ANKRD13C: variants seen among roughly 807,000 people sequenced by gnomAD.
ANKRD13C encodes ankyrin repeat domain-containing protein 13C.
ANKRD13C carries 16 observed loss-of-function variants against 65.5 expected under a neutral mutation model. That is an observed-to-expected ratio of 0.24 (90% CI 0.17 to 0.37). The LOEUF is 0.37. Ranked by LOEUF, ANKRD13C falls within the 10% of genes least tolerant of loss-of-function variation. ANKRD13C has a pLI of 1.00. For missense variants in ANKRD13C, 503 were observed against 655.9 expected, an observed-to-expected ratio of 0.77 and a Z score of 2.55; for synonymous variants, 235 against 238.7, an observed-to-expected ratio of 0.98 and a Z score of 0.14.
intron 1 of ANKRD13C, 131 bp downstream of exon 1, chr1:70,353,848 A>G: frequency 7.8e-7 from 1 of 1,278,966 alleles, no homozygotes. Context: ...GTCGATCATG[A>G]TTTACCGAAC....
At chr1:70,343,005 A>G (rs1207181571) in intron 1 of ANKRD13C, among the ~76,000 whole-genome samples, 1 of 152,160 alleles carries the variant, frequency 6.6e-6, no homozygotes, top group Non-Finnish European at 1.5e-5. Flanking sequence ...TTGTTTTCTT[A>G]ACCCCTCAAG....
chr1:70,281,294 G>A (rs962450987), intron 9 of ANKRD13C, among the ~76,000 whole-genome samples: 48 of 151,208 alleles, frequency 3.2e-4, no homozygotes, highest in African/African-American at 1.0e-3. Flanking sequence ...TAGTCTTTGT[G>A]AAAGAACCTC....
At chr1:70,319,525 T>G (rs940213165) in intron 3 of ANKRD13C, among the ~76,000 whole-genome samples, 2 of 149,726 alleles carry the variant, frequency 1.3e-5, no homozygotes, top group African/African-American at 4.9e-5. Flanking sequence ...GAGAATTGCT[T>G]GAATCTGAGA....
chr1:70,286,385 T>C (rs867009727), intron 9 of ANKRD13C, among the ~76,000 whole-genome samples: 5 of 152,156 alleles, frequency 3.3e-5, no homozygotes, highest in African/African-American at 1.2e-4. Context: ...AGGATTACTA[T>C]GCTGACAAAT....
intron 6 of ANKRD13C, among the ~76,000 whole-genome samples, chr1:70,304,108 C>A (rs1680490616): frequency 6.6e-6 from 1 of 152,152 alleles, no homozygotes; most frequent in East Asian, 1.9e-4. Context: ...GTGGCACGAT[C>A]TCGGCTCACT....
chr1:70,326,405 A>G (rs1305276036), intron 2 of ANKRD13C, among the ~76,000 whole-genome samples: 1 of 152,158 alleles, frequency 6.6e-6, no homozygotes, highest in Non-Finnish European at 1.5e-5. Context: ...TATAACATGT[A>G]AATTAATAAC....
Position 70,276,698 on chromosome 1 carries a change from CAT to C in ANKRD13C, c.1295+65_1295+66del, listed in dbSNP as rs200046148. Reference sequence around the variant, plus strand: ...AAAATAATTTACGCCAAAATATTCACATATTCAGTTTTTACAAATTATTCTTT... The same window carrying C: ...AAAATAATTTACGCCAAAATATTCACATTCAGTTTTTACAAATTATTCTTT... On this transcript the variant is annotated intron_variant, in intron 10 of 12. Coordinates refer to ENST00000370944, the MANE Select transcript of ANKRD13C (RefSeq NM_030816.5). The C allele has an allele frequency of 2.5e-3, 3,057 of 1,222,472 alleles. 60 individuals carry two copies. The African/African-American group carries it at 0.041, about 16-fold the overall frequency. The allele number at this position is 1,222,472 out of a possible 1,614,324, so 75.7% of individuals were successfully genotyped here. A position where few individuals can be genotyped will look rare whatever the true frequency, so the allele number is the denominator to read the frequency against.
intron 12 of ANKRD13C, among the ~76,000 whole-genome samples, chr1:70,267,175 T>C (rs544681300): frequency 6.6e-5 from 10 of 152,342 alleles, no homozygotes; most frequent in Admixed American, 2.6e-4. Context: ...CACTAAATAA[T>C]GTCCCTCTCT....
Position 70,264,433 on chromosome 1 carries a change from G to A in ANKRD13C, c.1496-1586C>T, listed in dbSNP as rs770233126. Among the ~76,000 whole-genome samples the A allele has an allele frequency of 1.0e-4, 13 of 130,084 alleles. No homozygotes were observed. The Admixed American group carries it at 1.0e-3, about 10-fold the overall frequency. 85.3% of individuals were successfully genotyped at this position (130,084 alleles called of 152,430 possible). A position where few individuals can be genotyped will look rare whatever the true frequency, so the allele number is the denominator to read the frequency against. On this transcript the variant is annotated intron_variant, in intron 12 of 12. Transcript: ENST00000370944. ...GGAGGTTGCAGTGAGCCAAGATTGCGCCACTACACTAGAGCCTGGGGAACA... is the reference window on the plus strand; with the variant it reads ...GGAGGTTGCAGTGAGCCAAGATTGCACCACTACACTAGAGCCTGGGGAACA...
intron 9 of ANKRD13C, among the ~76,000 whole-genome samples, chr1:70,285,630 CTTTTT>C (rs528594825): frequency 7.5e-6 from 1 of 133,566 alleles, no homozygotes; most frequent in Non-Finnish European, 1.6e-5. Context: ...GAGTTAAACA[CTTTTT>C]TTTTTTTTTT....
intron 6 of ANKRD13C, among the ~76,000 whole-genome samples, chr1:70,301,952 G>A (rs921733310): frequency 6.6e-6 from 1 of 152,120 alleles, no homozygotes; most frequent in South Asian, 2.1e-4. Flanking sequence ...TCCCCAGGAA[G>A]CTCCTTTAAG....
Position 70,291,061 on chromosome 1 carries a change from T to G in ANKRD13C, c.1215+1327A>C, listed in dbSNP as rs1679845317. Among the ~76,000 whole-genome samples, 3 of 151,928 alleles carry G rather than the reference T, an allele frequency of 2.0e-5. No homozygotes were observed. The South Asian group carries it at 6.2e-4, about 32-fold the overall frequency. Reference sequence around the variant, plus strand: ...ATTTTTTTTTTTTTGAGACGGAGTTTCGCTCTTGTTGCCCAGGATGTAGCA... The same window carrying G: ...ATTTTTTTTTTTTTGAGACGGAGTTGCGCTCTTGTTGCCCAGGATGTAGCA... On this transcript the variant is annotated intron_variant, in intron 9 of 12. Coordinates refer to ENST00000370944, the MANE Select transcript of ANKRD13C (RefSeq NM_030816.5).
intron 6 of ANKRD13C, among the ~76,000 whole-genome samples, chr1:70,303,381 T>G (rs192855878): frequency 6.6e-6 from 1 of 152,160 alleles, no homozygotes; most frequent in Non-Finnish European, 1.5e-5. Flanking sequence ...AATGCAAAGA[T>G]TTGAATAGAA....
chr1:70,345,570 G>A (rs1002511772), intron 1 of ANKRD13C, among the ~76,000 whole-genome samples: 2 of 147,936 alleles, frequency 1.4e-5, no homozygotes, highest in Non-Finnish European at 3.0e-5. Context: ...ACCATGCATT[G>A]ATATTTGAAA....
chr1:70,301,001 C>A, intron 6 of ANKRD13C, 93 bp from the exon 7 acceptor site: 3 of 1,352,492 alleles, frequency 2.2e-6, no homozygotes, highest in Non-Finnish European at 2.0e-6. Flanking sequence ...TAAACTCAAA[C>A]CAAGATGCTA....
At chr1:70,267,881 A>G (rs1362177301) in intron 12 of ANKRD13C, among the ~76,000 whole-genome samples, 1 of 152,178 alleles carries the variant, frequency 6.6e-6, no homozygotes, top group African/African-American at 2.4e-5. Flanking sequence ...ACTCAAGTGA[A>G]GTAAACTTAT....
rs566762559 is a variant in ANKRD13C at position 70,296,767 on chromosome 1, G to A, written c.922-506C>T. ...AGTGGAAGAAAGGAAGAACTGAAGGGAGGGATAGAAGAAGGGAAGCAGCAG... is the reference window on the plus strand; with the variant it reads ...AGTGGAAGAAAGGAAGAACTGAAGGAAGGGATAGAAGAAGGGAAGCAGCAG... On this transcript the variant is annotated intron_variant, in intron 7 of 12. Transcript: ENST00000370944. Among the ~76,000 whole-genome samples, 3 of 152,302 alleles carry A rather than the reference G, an allele frequency of 2.0e-5. No homozygotes were observed. The South Asian group carries it at 6.2e-4, about 32-fold the overall frequency.
intron 9 of ANKRD13C, 72 bp from the exon 10 acceptor site, chr1:70,276,916 A>G: frequency 1.4e-5 from 17 of 1,179,048 alleles, no homozygotes; most frequent in East Asian, 4.9e-5. Context: ...ATATAAGATT[A>G]AAATACATCG....
At position 70,261,715 on chromosome 1, in the gene ANKRD13C, T is replaced by A. The variant is rs970653704; in HGVS notation, c.*1002A>T. ...GCATATAAAATGTTTTTATCTTATT[T>A]TGAAAGGATTAAATATGTAGGGTTG... is the stretch of plus-strand genomic sequence containing the variant. On this transcript the variant is annotated 3_prime_UTR_variant, in exon 13 of 13. Coordinates refer to ENST00000370944, the MANE Select transcript of ANKRD13C (RefSeq NM_030816.5). 1 of 152,536 alleles carries A rather than the reference T, an allele frequency of 6.6e-6. No individual in the cohort carries two copies. The highest frequency in any genetic ancestry group is 6.6e-5 in the Admixed American group (1 of 15,258). 9.4% of individuals were successfully genotyped at this position (152,536 alleles called of 1,614,324 possible). A position where few individuals can be genotyped will look rare whatever the true frequency, so the allele number is the denominator to read the frequency against.
Sources: allele counts gnomAD v4.1 joint callset (sites outside exome capture counted in the v4.1 genomes callset), GRCh38; gene constraint gnomAD v4.1.1; transcripts MANE v1.5; gene names NCBI Gene and HGNC (gene_info 2026-07-23, HGNC 2026-07-21).